MORC1: variants seen among roughly 807,000 people sequenced by gnomAD.
The protein encoded by MORC1 is MORC family CW-type zinc finger 1, also known as MORC family CW-type zinc finger protein 1.
A neutral mutation model predicts 134.9 loss-of-function variants in MORC1; 59 were observed. That is an observed-to-expected ratio of 0.44 (90% confidence interval 0.35 to 0.54). The LOEUF (loss-of-function observed/expected upper bound fraction) is 0.54, where lower values mean the gene tolerates loss of function less well. Among genes scored for constraint, MORC1 ranks in the 20% least tolerant of loss-of-function variants. MORC1 has a pLI of 0.00. For synonymous variants in MORC1, 395 were observed against 391.7 expected (o/e 1.01, Z -0.10); for missense variants, 947 against 1,134.5 (o/e 0.83, Z 2.37).
chr3:108,999,422 G>C (rs1021488507), intron 21 of MORC1, among the ~76,000 whole-genome samples: 5 of 152,018 alleles, frequency 3.3e-5, no homozygotes, highest in African/African-American at 1.2e-4. Flanking sequence ...CACAGGAGTT[G>C]GTTGCACTAT....
At chr3:108,991,892 C>A (rs915439450) in intron 21 of MORC1, among the ~76,000 whole-genome samples, 2 of 152,196 alleles carry the variant, frequency 1.3e-5, no homozygotes, top group African/African-American at 2.4e-5. Context: ...TCTTACCAAG[C>A]TGTACTACCT....
chr3:108,976,819 G>A (rs1178755628), intron 24 of MORC1, among the ~76,000 whole-genome samples: 1 of 152,064 alleles, frequency 6.6e-6, no homozygotes, highest in Non-Finnish European at 1.5e-5. Flanking sequence ...TAGAGTTTCT[G>A]GGAAATTTTA....
chr3:109,062,113 AAGTG>A (rs1163630830), intron 10 of MORC1, 55 bp from the exon 11 acceptor site: 64 of 1,503,596 alleles, frequency 4.3e-5, no homozygotes, highest in Admixed American at 2.3e-4. Flanking sequence ...AAGCAATTTT[AAGTG>A]AGTATTTTCT....
intron 27 of MORC1, among the ~76,000 whole-genome samples, chr3:108,962,504 C>T (rs975779762): frequency 6.6e-6 from 1 of 152,114 alleles, no homozygotes; most frequent in Non-Finnish European, 1.5e-5. Context: ...AAGGGCAAGG[C>T]AATCCTCTAG....
chr3:109,043,691 A>T (rs1006641231), intron 14 of MORC1, among the ~76,000 whole-genome samples: 1 of 152,200 alleles, frequency 6.6e-6, no homozygotes, highest in Non-Finnish European at 1.5e-5. Flanking sequence ...TGAGCACTGC[A>T]CTTTTCCAAA....
At chr3:109,021,025 TGA>T (rs1390714810) in intron 17 of MORC1, among the ~76,000 whole-genome samples, 1 of 148,760 alleles carries the variant, frequency 6.7e-6, no homozygotes, top group Admixed American at 6.6e-5. Flanking sequence ...GGATTCAAGC[TGA>T]GAGAGGAAGA....
intron 15 of MORC1, among the ~76,000 whole-genome samples, chr3:109,033,230 T>C (rs1190438733): frequency 1.4e-5 from 2 of 145,090 alleles, no homozygotes; most frequent in Non-Finnish European, 3.0e-5. Flanking sequence ...AGGAAAACCA[T>C]GATCTCAACT....
At chr3:109,083,437 T>C (rs1950559229) in intron 8 of MORC1, among the ~76,000 whole-genome samples, 1 of 151,692 alleles carries the variant, frequency 6.6e-6, no homozygotes. Context: ...AAAAGACAAA[T>C]CTATCAAAAA....
intron 19 of MORC1, 83 bp downstream of exon 19, chr3:109,004,987 A>G: frequency 6.4e-7 from 1 of 1,572,556 alleles, no homozygotes; most frequent in East Asian, 2.2e-5. Context: ...GTGTCTTAAA[A>G]TGTGAAAATG....
chr3:109,054,574 G>C (rs1479065183), intron 14 of MORC1, among the ~76,000 whole-genome samples, 154 bp downstream of exon 14: 1 of 152,142 alleles, frequency 6.6e-6, no homozygotes, highest in Non-Finnish European at 1.5e-5. Context: ...ATTCTGAAAT[G>C]GGCTCCCTTC....
chr3:109,110,438 G>A (rs747153344), intron 3 of MORC1: 5 of 266,596 alleles, frequency 1.9e-5, no homozygotes, highest in East Asian at 8.1e-5. Flanking sequence ...ATGAATAACC[G>A]TTAATTTAAT....
intron 25 of MORC1, among the ~76,000 whole-genome samples, chr3:108,970,738 T>A (rs185959998): frequency 6.6e-6 from 1 of 152,202 alleles, no homozygotes; most frequent in African/African-American, 2.4e-5. Flanking sequence ...GTCAGGCATG[T>A]GCACCTCACT....
chr3:109,099,551 T>A, intron 5 of MORC1, 85 bp from the exon 6 acceptor site: 2 of 982,708 alleles, frequency 2.0e-6, no homozygotes, highest in Non-Finnish European at 2.9e-6. Context: ...CCGTGTACTG[T>A]AACAGGATGT....
chr3:109,061,851 G>T, intron 11 of MORC1, 137 bp downstream of exon 11: 1 of 811,822 alleles, frequency 1.2e-6, no homozygotes, highest in Non-Finnish European at 2.0e-6. Context: ...GTTTACCTGA[G>T]TTAAAATCAA....
At chr3:108,987,403 G>A (rs1361989188) in intron 21 of MORC1, among the ~76,000 whole-genome samples, 1 of 152,150 alleles carries the variant, frequency 6.6e-6, no homozygotes, top group Non-Finnish European at 1.5e-5. Flanking sequence ...TGAAGAGTTT[G>A]GGGCTGGGGC....
At chr3:109,012,267 G>A (rs1277080093) in intron 17 of MORC1, among the ~76,000 whole-genome samples, 1 of 151,898 alleles carries the variant, frequency 6.6e-6, no homozygotes, top group Admixed American at 6.6e-5. Flanking sequence ...TATACATGTG[G>A]GTCTATTTCT....
At chr3:108,976,374 T>C (rs908844358) in intron 24 of MORC1, among the ~76,000 whole-genome samples, 4 of 152,198 alleles carry the variant, frequency 2.6e-5, no homozygotes, top group African/African-American at 9.7e-5. Context: ...CTTTATACTT[T>C]ATACCCTTTA....
At chr3:109,096,171 C>A (rs1287745111) in intron 6 of MORC1, among the ~76,000 whole-genome samples, 3 of 152,138 alleles carry the variant, frequency 2.0e-5, no homozygotes, top group African/African-American at 7.2e-5. Context: ...ATAAGAAAGA[C>A]TTCTTGGAAA....
intron 14 of MORC1, chr3:109,049,246 TC>T (rs1949764360): frequency 2.1e-6 from 1 of 469,936 alleles, no homozygotes; most frequent in African/African-American, 2.1e-5. Flanking sequence ...ACTAGCTACA[TC>T]CAGGTACTAC....
Sources: allele counts gnomAD v4.1 joint callset (sites outside exome capture counted in the v4.1 genomes callset), GRCh38; gene constraint gnomAD v4.1.1; transcripts MANE v1.5; gene names NCBI Gene and HGNC (gene_info 2026-07-23, HGNC 2026-07-21).